Variants in DGKB observed in about 807,000 individuals in gnomAD.
The protein encoded by DGKB is 90 kDa diacylglycerol kinase.
In DGKB, 67 loss-of-function variants were observed where a neutral mutation model predicts 114.3. The ratio of observed to expected loss-of-function variants is 0.59; its 90% CI spans 0.48 to 0.72. The LOEUF (loss-of-function observed/expected upper bound fraction) is 0.72, where lower values mean the gene tolerates loss of function less well. DGKB is among the 30% of genes least tolerant of loss of function. The pLI is 0.00. For missense variants in DGKB, 907 were observed against 975.2 expected, an observed-to-expected ratio of 0.93 and a Z score of 0.93; for synonymous variants, 398 against 323.1, an observed-to-expected ratio of 1.23 and a Z score of -2.49.
rs573544359 is a variant in DGKB, at chr7:14,261,655, AG to A, written c.2122+76859del. On this transcript the variant is annotated intron_variant, in intron 23 of 25. Coordinates refer to ENST00000402815, the MANE Select transcript of DGKB (RefSeq NM_001350709.2). ...CATGACTAAATATAAAATAAGATTG[AG>A]CAGCACTTTCTTGCTTAAAATGGAT... 1.2e-4 allele frequency among the ~76,000 whole-genome samples: 19 copies of A among 152,324 alleles called. No individual in the cohort carries two copies. The South Asian group carries it at 3.9e-3, about 32-fold the overall frequency.
intron 23 of DGKB, among the ~76,000 whole-genome samples, chr7:14,326,830 T>C (rs1235001339): frequency 1.3e-5 from 2 of 152,156 alleles, no homozygotes; most frequent in Admixed American, 1.3e-4. Flanking sequence ...TATGTTTTTA[T>C]TCCAGGCTTC....
intron 20 of DGKB, among the ~76,000 whole-genome samples, chr7:14,509,900 A>C (rs1053920183): frequency 6.6e-6 from 1 of 152,200 alleles, no homozygotes; most frequent in African/African-American, 2.4e-5. Context: ...TCACTTGGCC[A>C]GGCATGGTGG....
chr7:14,787,057 G>A (rs1003403890), intron 2 of DGKB, among the ~76,000 whole-genome samples: 13 of 152,270 alleles, frequency 8.5e-5, no homozygotes, highest in Non-Finnish European at 1.6e-4. Flanking sequence ...CCAGTAGATA[G>A]GAGCTACCCC....
At chr7:14,531,254 A>G (rs1179779148) in intron 20 of DGKB, among the ~76,000 whole-genome samples, 1 of 151,554 alleles carries the variant, frequency 6.6e-6, no homozygotes, top group African/African-American at 2.4e-5. Context: ...AAGAGAAGAA[A>G]AAAAACAATG....
chr7:14,858,908 CA>C (rs1336918602), intron 1 of DGKB, among the ~76,000 whole-genome samples: 1 of 152,138 alleles, frequency 6.6e-6, no homozygotes, highest in African/African-American at 2.4e-5. Context: ...AGCAGTGCCT[CA>C]GATTTCAATA....
chr7:14,257,216 C>CTAAT (rs1226717501), intron 23 of DGKB, among the ~76,000 whole-genome samples: 2 of 151,988 alleles, frequency 1.3e-5, no homozygotes, highest in South Asian at 2.1e-4. Context: ...GAATTTTATT[C>CTAAT]TAATTTTTTT....
At chr7:14,275,141 T>C (rs7801010) in intron 23 of DGKB, among the ~76,000 whole-genome samples, 28,926 of 152,128 alleles carry the variant, frequency 0.19, 3,546 homozygotes, top group Non-Finnish European at 0.27. Context: ...TATGTTACCA[T>C]TGCCTTGAAT....
intron 2 of DGKB, among the ~76,000 whole-genome samples, chr7:14,835,081 T>C (rs1846967736): frequency 6.6e-6 from 1 of 151,978 alleles, no homozygotes; most frequent in Non-Finnish European, 1.5e-5. Flanking sequence ...AGAAATATAA[T>C]CTGGGTCAGA....
At chr7:14,262,004 A>T (rs1584794832) in intron 23 of DGKB, among the ~76,000 whole-genome samples, 1 of 152,242 alleles carries the variant, frequency 6.6e-6, no homozygotes, top group East Asian at 1.9e-4. Context: ...ACTGCAGAAG[A>T]CTTTGAATGA....
At chr7:14,791,740 A>G (rs1450795598) in intron 2 of DGKB, among the ~76,000 whole-genome samples, 1 of 152,176 alleles carries the variant, frequency 6.6e-6, no homozygotes, top group Non-Finnish European at 1.5e-5. Context: ...TTGATTTTCT[A>G]ATATTGAACT....
At chr7:14,171,791 C>T (rs1405569135) in intron 25 of DGKB, among the ~76,000 whole-genome samples, 1 of 151,896 alleles carries the variant, frequency 6.6e-6, no homozygotes, top group Admixed American at 6.6e-5. Context: ...GTTATACTAC[C>T]CTAAGAAGTA....
Position 14,592,349 on chromosome 7 carries a change from G to C in DGKB, c.1434-9212C>G, listed in dbSNP as rs78984121. Among the ~76,000 whole-genome samples the C allele has an allele frequency of 9.5e-3, 1,443 of 151,924 alleles. 9 individuals carry two copies. Among genetic ancestry groups the C allele is most frequent in the Non-Finnish European group, 0.015 (1,010 of 67,826 alleles). On this transcript the variant is annotated intron_variant, in intron 17 of 25. Coordinates refer to ENST00000402815, the MANE Select transcript of DGKB (RefSeq NM_001350709.2). Reference sequence around the variant, plus strand: ...AAATAATTTCAAGAGCTTTCCTTACGAAAGGTCTGCATTTTGATTTAAGCA... The same window carrying C: ...AAATAATTTCAAGAGCTTTCCTTACCAAAGGTCTGCATTTTGATTTAAGCA...
At chr7:14,912,061 T>C (rs765453533) in intron 1 of DGKB, among the ~76,000 whole-genome samples, 2 of 152,170 alleles carry the variant, frequency 1.3e-5, no homozygotes. Flanking sequence ...GGTAACAAAT[T>C]CTGATTTTTC....
chr7:14,166,796 G>A (rs1784672323), intron 25 of DGKB, among the ~76,000 whole-genome samples: 1 of 151,942 alleles, frequency 6.6e-6, no homozygotes, highest in Non-Finnish European at 1.5e-5. Context: ...CTTAAAAGCA[G>A]AACAAAAACT....
chr7:14,742,260 T>G (rs2128414258), intron 4 of DGKB, among the ~76,000 whole-genome samples: 1 of 152,316 alleles, frequency 6.6e-6, no homozygotes, highest in Admixed American at 6.5e-5. Context: ...ATTATCCAAT[T>G]AGGAGATTGG....
At chr7:14,458,004 G>A (rs1410651694) in intron 21 of DGKB, among the ~76,000 whole-genome samples, 1 of 152,220 alleles carries the variant, frequency 6.6e-6, no homozygotes, top group Non-Finnish European at 1.5e-5. Context: ...AAGGCTGAGT[G>A]CATGTGGGCT....
intron 2 of DGKB, among the ~76,000 whole-genome samples, chr7:14,821,930 C>G (rs1308535160): frequency 6.6e-6 from 1 of 152,010 alleles, no homozygotes; most frequent in African/African-American, 2.4e-5. Flanking sequence ...GATAGTTGAC[C>G]TGCTGGTAGT....
intron 6 of DGKB, among the ~76,000 whole-genome samples, chr7:14,709,746 C>G (rs1827003458): frequency 1.4e-5 from 2 of 141,354 alleles, no homozygotes; most frequent in African/African-American, 2.6e-5. Flanking sequence ...TATTCTCACT[C>G]AGAGGTGGGA....
At chr7:14,308,412 G>A (rs1413098305) in intron 23 of DGKB, among the ~76,000 whole-genome samples, 4 of 151,918 alleles carry the variant, frequency 2.6e-5, no homozygotes, top group Non-Finnish European at 4.4e-5. Flanking sequence ...CCTCTAATAG[G>A]ATATTTCTAC....
Sources: gnomAD v4.1 joint callset for allele counts (sites outside exome capture counted in the v4.1 genomes callset) on GRCh38, gnomAD v4.1.1 for gene constraint, MANE v1.5 for transcripts, NCBI Gene and HGNC (gene_info 2026-07-23, HGNC 2026-07-21) for gene names.